Variants in PRKN observed in about 807,000 individuals in gnomAD.
PRKN encodes the protein E3 ubiquitin-protein ligase parkin.
PRKN carries 56 observed loss-of-function variants against 59.5 expected under a neutral mutation model. The ratio of observed to expected loss-of-function variants is 0.94; its 90% CI spans 0.76 to 1.18. PRKN has a LOEUF of 1.18. PRKN is among the 50% of genes most tolerant of loss of function. The pLI is 0.00. For missense variants in PRKN, 657 were observed against 596.4 expected, an observed-to-expected ratio of 1.10 and a Z score of -1.06; for synonymous variants, 250 against 222.1, an observed-to-expected ratio of 1.13 and a Z score of -1.12.
rs144215071 is a variant in PRKN at position 161,769,864 on chromosome 6, T to C, written c.871+15908A>G. ...AAACGCCCACCCCAGGCAAGAATTA[T>C]GCTGCGGTTGTGTGTGAGCCACTGA... On this transcript the variant is annotated intron_variant, in intron 7 of 11. Transcript: ENST00000366898. Among the ~76,000 whole-genome samples, 1,485 of 152,276 alleles carry C rather than the reference T, an allele frequency of 9.8e-3. 30 individuals carry two copies. Among genetic ancestry groups the C allele is most frequent in the South Asian group, 0.038 (181 of 4,826 alleles).
intron 7 of PRKN, among the ~76,000 whole-genome samples, chr6:161,604,189 G>A (rs1354477745): frequency 7.2e-6 from 1 of 138,056 alleles, no homozygotes; most frequent in Non-Finnish European, 1.5e-5. Flanking sequence ...AGAGATCAAT[G>A]CTTTTCTTTT....
chr6:161,799,999 C>T (rs897299192), intron 6 of PRKN, among the ~76,000 whole-genome samples: 1 of 152,110 alleles, frequency 6.6e-6, no homozygotes, highest in Non-Finnish European at 1.5e-5. Flanking sequence ...ATGAAGGAAG[C>T]CACATGGGGC....
chr6:161,944,904 A>G (rs972513418), intron 6 of PRKN, among the ~76,000 whole-genome samples: 1 of 152,220 alleles, frequency 6.6e-6, no homozygotes, highest in Admixed American at 6.5e-5. Flanking sequence ...TACATGCTGT[A>G]TTTACAAACT....
chr6:161,896,197 C>A lies in PRKN; in HGVS notation c.734+77105G>T, dbSNP rs542286430. Among the ~76,000 whole-genome samples the A allele has an allele frequency of 4.8e-4, 73 of 152,306 alleles. No individual in the cohort carries two copies. In the South Asian group the frequency reaches 0.012, roughly 25 times the overall value. ...GAAGAATTGAAGGTGGCCATGAATT[C>A]TTTTGCCCTCCTCCTATTGTAAGGT... On this transcript the variant is annotated intron_variant, in intron 6 of 11. Transcript: ENST00000366898.
intron 4 of PRKN, among the ~76,000 whole-genome samples, chr6:162,105,113 G>A (rs774199730): frequency 3.2e-4 from 48 of 152,146 alleles, no homozygotes; most frequent in Admixed American, 2.6e-3. Context: ...GGTATGCAGC[G>A]AAAAGAAGAC....
intron 7 of PRKN, among the ~76,000 whole-genome samples, chr6:161,667,203 T>C (rs1231375949): frequency 6.6e-6 from 1 of 152,176 alleles, no homozygotes; most frequent in African/African-American, 2.4e-5. Context: ...TCATCATTAT[T>C]ACCCTGGATC....
At chr6:162,186,356 G>A (rs1398515824) in intron 4 of PRKN, among the ~76,000 whole-genome samples, 1 of 151,026 alleles carries the variant, frequency 6.6e-6, no homozygotes, top group African/African-American at 2.4e-5. Flanking sequence ...AAATCAAGCA[G>A]AAAGTACATC....
rs55714271 is a variant in PRKN at position 161,897,966 on chromosome 6, C to CAAAAAA, written c.734+75330_734+75335dup. Among the ~76,000 whole-genome samples the CAAAAAA allele has an allele frequency of 4.1e-3, 158 of 38,158 alleles. 17 individuals are homozygous for CAAAAAA. The highest frequency in any genetic ancestry group is 5.7e-3 in the Non-Finnish European group (125 of 21,826). The allele number at this position is 38,158 out of a possible 152,430, so 25.0% of individuals were successfully genotyped here. A position where few individuals can be genotyped will look rare whatever the true frequency, so the allele number is the denominator to read the frequency against. On this transcript the variant is annotated intron_variant, in intron 6 of 11. Coordinates refer to ENST00000366898, the MANE Select transcript of PRKN (RefSeq NM_004562.3). ...TGGGTGACAGAGCGAGACTCCGTCT[C>CAAAAAA]AAAAAAAAAAAAAAAAAAGTCTCCC...
At chr6:162,087,608 T>TTC (rs1779301644) in intron 4 of PRKN, among the ~76,000 whole-genome samples, 1 of 148,180 alleles carries the variant, frequency 6.7e-6, no homozygotes, top group African/African-American at 2.5e-5. Flanking sequence ...TTTTTTTTTT[T>TTC]TTCTGAGACG....
At chr6:162,630,808 GGTTCCCAA>G (rs1223713903) in intron 1 of PRKN, among the ~76,000 whole-genome samples, 1 of 152,112 alleles carries the variant, frequency 6.6e-6, no homozygotes, top group East Asian at 1.9e-4. Context: ...TTTGGAAGCA[GGTTCCCAA>G]GTTGATGATG....
rs137876628 is a variant in PRKN, at chr6:162,592,227, A to G, written c.7+135435T>C. Among the ~76,000 whole-genome samples the G allele has an allele frequency of 7.7e-3, 1,172 of 152,114 alleles. 14 individuals are homozygous for G. Among genetic ancestry groups the G allele is most frequent in the African/African-American group, 0.027 (1,122 of 41,494 alleles). ...TTAGCCAGCTGGTCTCGAACTCCTGACCTCAAGTGATTTGCCCGCCTTGGC... is the reference window on the plus strand; with the variant it reads ...TTAGCCAGCTGGTCTCGAACTCCTGGCCTCAAGTGATTTGCCCGCCTTGGC... On this transcript the variant is annotated intron_variant, in intron 1 of 11. Transcript: ENST00000366898.
At chr6:162,013,169 T>C (rs1429916231) in intron 5 of PRKN, among the ~76,000 whole-genome samples, 1 of 152,154 alleles carries the variant, frequency 6.6e-6, no homozygotes, top group Non-Finnish European at 1.5e-5. Context: ...AACATTTATT[T>C]ATGTATGTAT....
intron 1 of PRKN, among the ~76,000 whole-genome samples, chr6:162,497,326 A>G (rs1373842617): frequency 6.6e-6 from 1 of 152,232 alleles, no homozygotes; most frequent in Non-Finnish European, 1.5e-5. Context: ...TAAACTTAAC[A>G]AAACACCTAA....
chr6:162,048,020 T>C (rs901130357), intron 5 of PRKN, among the ~76,000 whole-genome samples: 17 of 152,314 alleles, frequency 1.1e-4, no homozygotes, highest in African/African-American at 4.1e-4. Context: ...GTATCTAATT[T>C]CATTTGAAAT....
In PRKN at chr6:161,979,494, G is replaced by A. The variant is rs573542526; in HGVS notation, c.619-6077C>T. On this transcript the variant is annotated intron_variant, in intron 5 of 11. Transcript: ENST00000366898. ...TTACCATGTTGGCCAGGCTGGTCTC[G>A]AGTTCCTGACCTCAAGTGATCCACC... Among the ~76,000 whole-genome samples, 72 of 152,124 alleles carry A rather than the reference G, an allele frequency of 4.7e-4. No homozygotes were observed. In the South Asian group the frequency reaches 0.014, roughly 30 times the overall value.
At chr6:162,676,256 G>A (rs1779538451) in intron 1 of PRKN, among the ~76,000 whole-genome samples, 1 of 152,092 alleles carries the variant, frequency 6.6e-6, no homozygotes, top group African/African-American at 2.4e-5. Flanking sequence ...CCTTCAGAAA[G>A]GAAAGCGCCA....
intron 6 of PRKN, among the ~76,000 whole-genome samples, chr6:161,812,493 T>C (rs200504045): frequency 6.6e-6 from 1 of 152,246 alleles, no homozygotes; most frequent in South Asian, 2.1e-4. Flanking sequence ...AGGACCTATG[T>C]TGAGAGTATA....
chr6:162,122,761 T>TCC (rs1780969238), intron 4 of PRKN, among the ~76,000 whole-genome samples: 1 of 151,794 alleles, frequency 6.6e-6, no homozygotes, highest in Admixed American at 6.6e-5. Flanking sequence ...TATCTATCTC[T>TCC]GATATATATT....
intron 1 of PRKN, among the ~76,000 whole-genome samples, chr6:162,563,143 A>C (rs972511074): frequency 4.6e-5 from 7 of 152,128 alleles, no homozygotes; most frequent in Admixed American, 1.3e-4. Flanking sequence ...TTTACTAAGG[A>C]ATACAAAAAA....
Sources: gnomAD v4.1 joint callset for allele counts (sites outside exome capture counted in the v4.1 genomes callset) on GRCh38, gnomAD v4.1.1 for gene constraint, MANE v1.5 for transcripts, NCBI Gene and HGNC (gene_info 2026-07-23, HGNC 2026-07-21) for gene names.